Variants in GATA2 observed in about 807,000 individuals in gnomAD.
GATA2 encodes endothelial transcription factor GATA-2.
Under a neutral mutation model 35.7 loss-of-function variants are expected in GATA2, and 6 were observed. That is an observed-to-expected ratio of 0.17 (90% CI 0.09 to 0.33). The LOEUF is 0.33. Among genes scored for constraint, GATA2 ranks in the 10% least tolerant of loss-of-function variants. The pLI is 1.00. For missense variants in GATA2, 541 were observed against 656.6 expected, an observed-to-expected ratio of 0.82 and a Z score of 1.92; for synonymous variants, 313 against 274.9, an observed-to-expected ratio of 1.14 and a Z score of -1.37.
In GATA2 at chr3:128,488,247, C is replaced by G. The variant is rs912137799; in HGVS notation, c.-45-1171G>C. 6.6e-6 allele frequency: 1 copy of G among 152,596 alleles called. No homozygotes were observed. The highest frequency in any genetic ancestry group is 1.5e-5 in the Non-Finnish European group (1 of 68,388). The allele number at this position is 152,596 out of a possible 1,614,324, so 9.5% of individuals were successfully genotyped here. On this transcript the variant is annotated intron_variant, in intron 1 of 5. Coordinates refer to ENST00000341105, the MANE Select transcript of GATA2 (RefSeq NM_032638.5). This position sits in a 1 kb window ranked among gnomAD's most constrained non-coding sequence, Gnocchi z 5.8. ...TAACTAACCACCAACTGCCCCCTCC[C>G]CAGGAGCCCGGGCCGCACACCCTCT... is the stretch of plus-strand genomic sequence containing the variant.
Position 128,481,247 on chromosome 3 carries a change from C to G in GATA2, c.1215G>C (p.Lys405Asn), listed in dbSNP as rs779797858. 2.5e-6 allele frequency: 4 copies of G among 1,614,124 alleles called. No individual in the cohort carries two copies. Among genetic ancestry groups the G allele is most frequent in the African/African-American group, 1.3e-5 (1 of 74,942 alleles). Reference sequence around the variant, plus strand: ...AGCACTCCGCCCCTTTCTTGCTCTTCTTGGACTTGTTGGACATCTTCCGGT... The same window carrying G: ...AGCACTCCGCCCCTTTCTTGCTCTTGTTGGACTTGTTGGACATCTTCCGGT... ...TRNRKMSNKS[K>N]KSKKGAECFE... The change falls in exon 6 of 6, where the codon AAG becomes AAC. Residue 405 changes from lysine (K) to asparagine (N), a missense_variant. Transcript: ENST00000341105.
intron 3 of GATA2, among the ~76,000 whole-genome samples, chr3:128,484,661 T>A (rs1454513466): frequency 1.3e-5 from 2 of 149,592 alleles, no homozygotes; most frequent in East Asian, 3.9e-4. Flanking sequence ...ATTTTTTTTT[T>A]CAATTAAAAG....
chr3:128,482,281 C>T (rs1314157688), intron 4 of GATA2, among the ~76,000 whole-genome samples: 1 of 152,164 alleles, frequency 6.6e-6, no homozygotes, highest in Non-Finnish European at 1.5e-5. Flanking sequence ...TCTCTAGTAG[C>T]ACAGGCATCC....
chr3:128,484,889 A>G (rs1466455464), intron 3 of GATA2, among the ~76,000 whole-genome samples: 1 of 152,172 alleles, frequency 6.6e-6, no homozygotes, highest in African/African-American at 2.4e-5. Context: ...AATGAGGAGT[A>G]CAGCCTGGCA....
At chr3:128,487,933 T>G (rs1428042014) in intron 1 of GATA2, 4 of 152,312 alleles carry the variant, frequency 2.6e-5, no homozygotes, top group Non-Finnish European at 5.9e-5. Context: ...TGCACAGACA[T>G]GAAGCGGGGG....
Sources: gnomAD v4.1 joint callset for allele counts (sites outside exome capture counted in the v4.1 genomes callset) on GRCh38, gnomAD v4.1.1 for gene constraint, Gnocchi (gnomAD v3.1) non-coding constraint, MANE v1.5 for transcripts, NCBI Gene and HGNC (gene_info 2026-07-23, HGNC 2026-07-21) for gene names.